Variants in LRRC37A2 observed in about 807,000 individuals in gnomAD.
LRRC37A2 encodes the protein leucine-rich repeat-containing protein 37A2.
A neutral mutation model predicts 68.8 loss-of-function variants in LRRC37A2; 9 were observed. That is an observed-to-expected ratio of 0.13 (90% confidence interval 0.08 to 0.23). LRRC37A2 has a LOEUF of 0.23. Ranked by LOEUF, LRRC37A2 falls within the 10% of genes least tolerant of loss-of-function variation. LRRC37A2 has a pLI of 1.00. For synonymous variants in LRRC37A2, 63 were observed against 367.6 expected, an observed-to-expected ratio of 0.17 and a Z score of 9.48; for missense variants, 168 against 950.4, an observed-to-expected ratio of 0.18 and a Z score of 10.82.
chr17:46,903,045 G>T, the LRRC37A2 span, among the ~76,000 whole-genome samples: 1 of 152,204 alleles, frequency 6.6e-6, no homozygotes, highest in Non-Finnish European at 1.5e-5. Flanking sequence ...ACTTTGGGAG[G>T]CCAAGGCAGG....
the LRRC37A2 span, chr17:46,602,594 C>T: frequency 1.9e-5 from 1 of 51,794 alleles, no homozygotes; most frequent in Admixed American, 2.4e-4. Context: ...ACTTTAAGGG[C>T]TGCATTGGTG....
At chr17:46,929,992 T>C in the LRRC37A2 span, 2 of 162,296 alleles carry the variant, frequency 1.2e-5, no homozygotes, top group African/African-American at 4.8e-5. Flanking sequence ...TTAATTAGTT[T>C]AGTTCCCACA....
the LRRC37A2 span, among the ~76,000 whole-genome samples, chr17:46,754,645 G>A: frequency 4.6e-5 from 7 of 152,190 alleles, no homozygotes; most frequent in Non-Finnish European, 7.3e-5. Context: ...AACCAGTCGA[G>A]ATAGCTAATA....
At chr17:46,923,337 G>T in the LRRC37A2 span, 2 of 1,530,364 alleles carry the variant, frequency 1.3e-6, no homozygotes, top group Non-Finnish European at 1.8e-6. Context: ...TTTCCGCCAG[G>T]GCACTGCTGG....
chr17:46,997,000 T>C, the LRRC37A2 span, among the ~76,000 whole-genome samples: 2 of 151,980 alleles, frequency 1.3e-5, no homozygotes, highest in East Asian at 3.9e-4. Flanking sequence ...CGAGGAGGAG[T>C]TTCTCTTTAG....
intron 3 of LRRC37A2, among the ~76,000 whole-genome samples, chr17:46,519,949 A>G: frequency 1.2e-5 from 1 of 80,854 alleles, no homozygotes; most frequent in East Asian, 2.4e-4. Context: ...TCTAGAGAGG[A>G]GGCATGAAAT....
the LRRC37A2 span, among the ~76,000 whole-genome samples, chr17:46,497,309 G>A: frequency 1.3e-5 from 2 of 148,416 alleles, no homozygotes; most frequent in Non-Finnish European, 3.0e-5. Flanking sequence ...GATTGATGAT[G>A]ATTGGATTTA....
chr17:46,934,339 C>G, the LRRC37A2 span, among the ~76,000 whole-genome samples: 3 of 151,940 alleles, frequency 2.0e-5, no homozygotes, highest in African/African-American at 7.3e-5. Flanking sequence ...CCTGTCTCTA[C>G]CAAAAATACA....
the LRRC37A2 span, among the ~76,000 whole-genome samples, chr17:46,865,162 C>T: frequency 1.3e-5 from 2 of 152,308 alleles, no homozygotes; most frequent in Middle Eastern, 3.4e-3. Flanking sequence ...GGGAGAGAGA[C>T]AGGAGGAAGA....
At chr17:46,943,115 G>C in the LRRC37A2 span, among the ~76,000 whole-genome samples, 4 of 152,202 alleles carry the variant, frequency 2.6e-5, no homozygotes, top group African/African-American at 9.7e-5. Context: ...GGAGCCGATG[G>C]CTCTAATACA....
At chr17:46,766,160 G>A in the LRRC37A2 span, among the ~76,000 whole-genome samples, 11 of 152,302 alleles carry the variant, frequency 7.2e-5, no homozygotes, top group African/African-American at 2.6e-4. Context: ...TGTAATCCCA[G>A]CACTTTGAGG....
chr17:47,012,439 T>C, the LRRC37A2 span, among the ~76,000 whole-genome samples: 1 of 144,614 alleles, frequency 6.9e-6, no homozygotes, highest in Non-Finnish European at 1.6e-5. Flanking sequence ...ACCAAGAAAG[T>C]GAAAGGCAAC....
chr17:46,550,368 T>C (rs1182472378), intron 10 of LRRC37A2, 47 bp from the exon 10 acceptor site: 4 of 645,914 alleles, frequency 6.2e-6, no homozygotes, highest in East Asian at 5.6e-5. Context: ...GGGTTTTGAA[T>C]AGTTAGCTCT....
the LRRC37A2 span, chr17:46,876,609 C>G: frequency 2.5e-6 from 4 of 1,612,144 alleles, no homozygotes; most frequent in East Asian, 8.9e-5. Context: ...GGCTATGACA[C>G]CCAGAGCCGC....
At chr17:46,472,896 CAG>C in the LRRC37A2 span, among the ~76,000 whole-genome samples, 2 of 57,790 alleles carry the variant, frequency 3.5e-5, 1 homozygote, top group Non-Finnish European at 8.6e-5. Context: ...GCCTGGGCAA[CAG>C]AGTGAGACTC....
At chr17:46,983,737 C>T in the LRRC37A2 span, among the ~76,000 whole-genome samples, 1 of 152,210 alleles carries the variant, frequency 6.6e-6, no homozygotes, top group Non-Finnish European at 1.5e-5. Flanking sequence ...ATTGAGCAAA[C>T]ATTTATGATC....
At chr17:46,937,681 A>G in the LRRC37A2 span, 1 of 152,178 alleles carries the variant, frequency 6.6e-6, no homozygotes, top group Admixed American at 6.5e-5. Context: ...AAAGGTATTC[A>G]TGCTACTCTT....
chr17:47,012,694 T>C, the LRRC37A2 span, among the ~76,000 whole-genome samples: 1 of 152,098 alleles, frequency 6.6e-6, no homozygotes, highest in Non-Finnish European at 1.5e-5. Flanking sequence ...TCACACCCAC[T>C]AGGAGAACTT....
the LRRC37A2 span, chr17:46,932,658 A>G: frequency 5.7e-5 from 14 of 245,086 alleles, no homozygotes; most frequent in South Asian, 6.9e-4. Flanking sequence ...CTGAGCAGCA[A>G]TTTGGAGGAA....
Sources: gnomAD v4.1 joint callset for allele counts (sites outside exome capture counted in the v4.1 genomes callset) on GRCh38, gnomAD v4.1.1 for gene constraint, MANE v1.5 for transcripts, NCBI Gene and HGNC (gene_info 2026-07-23, HGNC 2026-07-21) for gene names.